Variants in DNAH3 observed in about 807,000 individuals in gnomAD.
The protein encoded by DNAH3 is axonemal beta dynein heavy chain 3.
Under a neutral mutation model 432.5 loss-of-function variants are expected in DNAH3, and 332 were observed. The observed-to-expected ratio is 0.77, with a 90% CI of 0.70 to 0.84. The LOEUF is 0.84. DNAH3 is among the 40% of genes least tolerant of loss of function. DNAH3 has a pLI of 0.00. For synonymous variants in DNAH3, 1,956 were observed against 1,900.2 expected (o/e 1.03, Z -0.76); for missense variants, 4,861 against 5,114.0 (o/e 0.95, Z 1.51).
chr16:20,965,362 T>G, exon 53 of DNAH3: 1 of 1,548,994 alleles, frequency 6.5e-7, no homozygotes, highest in Non-Finnish European at 8.7e-7. Context: ...CTTAAGACTC[T>G]CCAAGAATTT....
At chr16:20,938,694 GAA>G (rs1190756620) in intron 59 of DNAH3, among the ~76,000 whole-genome samples, 2 of 132,104 alleles carry the variant, frequency 1.5e-5, no homozygotes, top group Non-Finnish European at 3.3e-5. Context: ...AAAAGGGAAA[GAA>G]AAAAAATAGT....
chr16:20,963,286 G>A, exon 53 of DNAH3: 1 of 1,612,714 alleles, frequency 6.2e-7, no homozygotes, highest in Non-Finnish European at 8.5e-7. Flanking sequence ...GTTCTTACCT[G>A]CCATTGGGTC....
At chr16:20,980,169 A>AT (rs1385367216) in intron 49 of DNAH3, among the ~76,000 whole-genome samples, 2 of 135,342 alleles carry the variant, frequency 1.5e-5, no homozygotes, top group African/African-American at 5.8e-5. Flanking sequence ...GTAGAAAAAA[A>AT]AATATATATA....
intron 50 of DNAH3, 148 bp downstream of exon 50, chr16:20,979,180 TAC>T: frequency 1.5e-6 from 1 of 662,630 alleles, no homozygotes; most frequent in East Asian, 2.7e-5. Context: ...GGGCAGGGAT[TAC>T]AGTGATGTAG....
chr16:21,132,627 A>G (rs1173283637), intron 7 of DNAH3, among the ~76,000 whole-genome samples: 2 of 152,244 alleles, frequency 1.3e-5, no homozygotes, highest in East Asian at 3.8e-4. Context: ...GTTCATTGAA[A>G]GACACCAGAC....
chr16:21,117,891 C>G (rs2092243972), intron 11 of DNAH3, among the ~76,000 whole-genome samples: 1 of 152,154 alleles, frequency 6.6e-6, no homozygotes. Flanking sequence ...CAGTTTTCCT[C>G]TCTAATGAAA....
rs950712862 is a variant in DNAH3 at position 20,936,644 on chromosome 16, G to C, written c.11859+5C>G. 6.3e-7 allele frequency: 1 copy of C among 1,588,042 alleles called. No individual in the cohort carries two copies. Among genetic ancestry groups the C allele is most frequent in the South Asian group, 1.1e-5 (1 of 87,868 alleles). The stretch of plus-strand genomic sequence containing the variant: ...GGTTCCCGGTTACCCCTGACTCCCA[G>C]GTACCTGGAAGAAGGTCAGGCGGGC... On this transcript the variant is annotated splice_donor_5th_base_variant and intron_variant, in intron 60 of 61. Transcript: ENST00000261383.
chr16:20,988,412 T>C (rs745433763), intron 44 of DNAH3, among the ~76,000 whole-genome samples: 14 of 152,138 alleles, frequency 9.2e-5, no homozygotes, highest in Non-Finnish European at 1.8e-4. Flanking sequence ...TATCATGTTG[T>C]ATTATATTAC....
At chr16:20,941,537 C>T in exon 59 of DNAH3, 2 of 1,614,104 alleles carry the variant, frequency 1.2e-6, no homozygotes, top group Non-Finnish European at 1.7e-6. Flanking sequence ...AACTCCTCAA[C>T]CACTTCCTTA....
At chr16:20,969,903 A>G in exon 52 of DNAH3, 1 of 1,614,112 alleles carries the variant, frequency 6.2e-7, no homozygotes, top group Non-Finnish European at 8.5e-7. Context: ...TTCACCAGCG[A>G]GATGTCGGCC....
At chr16:21,085,199 T>C (rs1179211983) in intron 19 of DNAH3, among the ~76,000 whole-genome samples, 1 of 150,804 alleles carries the variant, frequency 6.6e-6, no homozygotes, top group African/African-American at 2.5e-5. Context: ...GGCAACATAG[T>C]AAGACCCCCC....
rs2090941457 is a variant in DNAH3 at position 21,075,468 on chromosome 16, G to A, written c.3063C>T (p.Ser1021=). ...TCACAGTGTCCCTGTATTTCACGAAGCTGAACGTCACGTTAACCCAATCCA... is the reference window on the plus strand; with the variant it reads ...TCACAGTGTCCCTGTATTTCACGAAACTGAACGTCACGTTAACCCAATCCA... The change falls in exon 21 of 62, where the codon AGC becomes AGT. Residue 1021 remains serine (S), a synonymous_variant. Transcript: ENST00000261383. 1.9e-6 allele frequency: 3 copies of A among 1,613,894 alleles called. No individual in the cohort carries two copies. The South Asian group carries it at 3.3e-5, about 18-fold the overall frequency.
intron 1 of DNAH3, among the ~76,000 whole-genome samples, chr16:21,147,277 TG>T (rs2092798028): frequency 6.6e-6 from 1 of 151,622 alleles, no homozygotes; most frequent in African/African-American, 2.4e-5. Flanking sequence ...TAGAGTGCAA[TG>T]GTACGATCTT....
chr16:21,097,567 C>T, intron 17 of DNAH3, 68 bp from the exon 18 acceptor site: 2 of 1,587,090 alleles, frequency 1.3e-6, no homozygotes, highest in Non-Finnish European at 1.7e-6. Flanking sequence ...GACACCAGGG[C>T]AAATTCCTCA....
At chr16:21,001,929 C>CT (rs1340531610) in intron 42 of DNAH3, among the ~76,000 whole-genome samples, 1 of 152,166 alleles carries the variant, frequency 6.6e-6, no homozygotes, top group Non-Finnish European at 1.5e-5. Context: ...TCATTGGACT[C>CT]TTTTACTTGT....
intron 44 of DNAH3, among the ~76,000 whole-genome samples, chr16:20,988,903 T>C (rs1386472320): frequency 6.6e-6 from 1 of 152,200 alleles, no homozygotes; most frequent in African/African-American, 2.4e-5. Flanking sequence ...CGGTGAGTGT[T>C]ACAGCTCTTA....
intron 49 of DNAH3, among the ~76,000 whole-genome samples, chr16:20,981,227 A>T (rs1466452179): frequency 6.6e-6 from 1 of 152,218 alleles, no homozygotes. Flanking sequence ...ACTGGAGGAA[A>T]TGCAAAGTAC....
In DNAH3 at chr16:21,031,065, C is replaced by T; in HGVS notation, c.5419G>A (p.Val1807Ile). Residue 1807 changes from valine (V) to isoleucine (I), a missense_variant, in exon 37 of 62, where the codon GTT becomes ATT. Transcript: ENST00000261383. ...CTTACCTTTTTATTGTCATCCAGAA[C>T]AGTGTTCATATTTTCAATCCAAATA... 1.1e-5 allele frequency: 17 copies of T among 1,614,180 alleles called. No homozygotes were observed. The highest frequency in any genetic ancestry group is 1.4e-5 in the Non-Finnish European group (17 of 1,180,022).
At chr16:21,131,528 G>GGAAA (rs1567846496) in intron 7 of DNAH3, among the ~76,000 whole-genome samples, 7 of 149,516 alleles carry the variant, frequency 4.7e-5, no homozygotes, top group South Asian at 2.1e-4. Flanking sequence ...AAGGAAGGAA[G>GGAAA]GAAAGAAAGA....
Sources: gnomAD v4.1 joint callset for allele counts (sites outside exome capture counted in the v4.1 genomes callset) on GRCh38, gnomAD v4.1.1 for gene constraint, MANE v1.5 for transcripts, NCBI Gene and HGNC (gene_info 2026-07-23, HGNC 2026-07-21) for gene names.